Variants in SLC38A12 observed in about 807,000 individuals in gnomAD.
SLC38A12 encodes the protein solute carrier family 38 member 12, also known as putative sodium-coupled neutral amino acid transporter 12.
the SLC38A12 span, among the ~76,000 whole-genome samples, chr17:74,820,116 T>C: frequency 6.6e-6 from 1 of 152,150 alleles, no homozygotes; most frequent in African/African-American, 2.4e-5. Context: ...GAGCCCAGGA[T>C]TGTTCATTCT....
the SLC38A12 span, among the ~76,000 whole-genome samples, chr17:74,813,097 G>T: frequency 6.6e-6 from 1 of 152,226 alleles, no homozygotes; most frequent in Non-Finnish European, 1.5e-5. Context: ...GCGGGTCACA[G>T]TGTCACTCCC....
At chr17:74,781,914 G>A in the SLC38A12 span, among the ~76,000 whole-genome samples, 2 of 152,190 alleles carry the variant, frequency 1.3e-5, no homozygotes, top group African/African-American at 4.8e-5. Context: ...GAGCCTACCT[G>A]CCTCTTTCCC....
At chr17:74,813,963 C>T in the SLC38A12 span, among the ~76,000 whole-genome samples, 3 of 152,184 alleles carry the variant, frequency 2.0e-5, no homozygotes, top group Admixed American at 1.3e-4. Context: ...GGAAGGATGA[C>T]GACCAGCAGC....
At chr17:74,805,867 T>A in the SLC38A12 span, among the ~76,000 whole-genome samples, 1 of 152,022 alleles carries the variant, frequency 6.6e-6, no homozygotes, top group Non-Finnish European at 1.5e-5. The surrounding 1 kb of genome is among the most constrained non-coding windows in gnomAD (Gnocchi z 5.0). Context: ...TCTCCTTGAG[T>A]GACGCACAAG....
At chr17:74,785,533 A>G in the SLC38A12 span, 1 of 1,614,056 alleles carries the variant, frequency 6.2e-7, no homozygotes, top group Non-Finnish European at 8.5e-7. Context: ...CGCACTCACC[A>G]TGCCCAAGGC....
the SLC38A12 span, among the ~76,000 whole-genome samples, chr17:74,801,279 C>T: frequency 1.3e-5 from 2 of 152,358 alleles, no homozygotes; most frequent in Admixed American, 6.5e-5. Flanking sequence ...CCTCCCCTCT[C>T]GCCTATGGAG....
At chr17:74,779,761 T>C in the SLC38A12 span, among the ~76,000 whole-genome samples, 1 of 152,228 alleles carries the variant, frequency 6.6e-6, no homozygotes, top group Non-Finnish European at 1.5e-5. Flanking sequence ...CCCACGCGCA[T>C]TTACAAGACA....
chr17:74,780,746 A>G, the SLC38A12 span, among the ~76,000 whole-genome samples: 4 of 152,212 alleles, frequency 2.6e-5, no homozygotes, highest in Non-Finnish European at 5.9e-5. Context: ...GAGAAGTCCT[A>G]CGTTACCCTG....
chr17:74,791,121 A>C, the SLC38A12 span: 1 of 1,220,410 alleles, frequency 8.2e-7, no homozygotes. Context: ...TGAGGGCTCC[A>C]CCCTGACAGC....
the SLC38A12 span, chr17:74,785,542 G>C: frequency 6.2e-7 from 1 of 1,614,166 alleles, no homozygotes; most frequent in Non-Finnish European, 8.5e-7. Flanking sequence ...CATGCCCAAG[G>C]CATTCGCCAC....
chr17:74,777,477 G>A, the SLC38A12 span: 1 of 1,583,698 alleles, frequency 6.3e-7, no homozygotes, highest in East Asian at 2.2e-5. Flanking sequence ...TGCTGCTTGA[G>A]CAGACCATAG....
the SLC38A12 span, among the ~76,000 whole-genome samples, chr17:74,825,866 G>C: frequency 6.6e-6 from 1 of 152,158 alleles, no homozygotes; most frequent in Admixed American, 6.5e-5. Flanking sequence ...ACATCTGCAG[G>C]GCTGCCACGG....
At chr17:74,819,781 C>T in the SLC38A12 span, 2 of 1,614,132 alleles carry the variant, frequency 1.2e-6, no homozygotes, top group African/African-American at 1.3e-5. Context: ...GGACCGTTCA[C>T]CTTCTTTGAC....
At chr17:74,778,065 A>T in the SLC38A12 span, among the ~76,000 whole-genome samples, 5 of 151,472 alleles carry the variant, frequency 3.3e-5, no homozygotes, top group African/African-American at 9.8e-5. Context: ...TTTAAATTGC[A>T]CAACTTTTAT....
chr17:74,816,574 G>A, the SLC38A12 span, among the ~76,000 whole-genome samples: 1 of 152,226 alleles, frequency 6.6e-6, no homozygotes, highest in African/African-American at 2.4e-5. Context: ...CAAAAAGAAA[G>A]AGGATCTGAA....
At chr17:74,790,962 G>C in the SLC38A12 span, 2 of 1,614,028 alleles carry the variant, frequency 1.2e-6, no homozygotes, top group Non-Finnish European at 1.7e-6. Flanking sequence ...GCAGAGAGAC[G>C]TGGATCTCCC....
the SLC38A12 span, chr17:74,777,623 A>G: frequency 2.3e-4 from 339 of 1,466,326 alleles, 2 homozygotes; most frequent in Admixed American, 9.9e-4. Flanking sequence ...CATGCTGTTT[A>G]TAATGTTAAT....
chr17:74,836,386 G>A, the SLC38A12 span: 16 of 1,611,694 alleles, frequency 9.9e-6, no homozygotes, highest in East Asian at 8.9e-5. The surrounding 1 kb of genome is among the most constrained non-coding windows in gnomAD (Gnocchi z 4.2). Context: ...GTGGTGGACC[G>A]CGTCGTGTTT....
At chr17:74,804,794 C>A in the SLC38A12 span, among the ~76,000 whole-genome samples, 2 of 152,202 alleles carry the variant, frequency 1.3e-5, no homozygotes, top group Non-Finnish European at 2.9e-5. Context: ...TGGCTGAGGC[C>A]GGGAGGCCCC....
Sources: gnomAD v4.1 joint callset for allele counts (sites outside exome capture counted in the v4.1 genomes callset) on GRCh38, gnomAD v4.1.1 for gene constraint, Gnocchi (gnomAD v3.1) non-coding constraint, MANE v1.5 for transcripts, NCBI Gene and HGNC (gene_info 2026-07-23, HGNC 2026-07-21) for gene names.